Variants in TBC1D32 observed in about 807,000 individuals in gnomAD.
The protein encoded by TBC1D32 is protein broad-minded.
Under a neutral mutation model 170.3 loss-of-function variants are expected in TBC1D32, and 151 were observed. That is an observed-to-expected ratio of 0.89 (90% CI 0.78 to 1.01). The LOEUF (loss-of-function observed/expected upper bound fraction) is 1.01, where lower values mean the gene tolerates loss of function less well. Among genes scored for constraint, TBC1D32 ranks in the 50% least tolerant of loss-of-function variants. TBC1D32 has a pLI of 0.00. For synonymous variants in TBC1D32, 498 were observed against 488.0 expected (o/e 1.02, Z -0.27); for missense variants, 1,464 against 1,457.1 (o/e 1.00, Z -0.08).
chr6:121,238,890 T>C (rs1415184939), intron 20 of TBC1D32, among the ~76,000 whole-genome samples, 180 bp downstream of exon 20: 1 of 152,098 alleles, frequency 6.6e-6, no homozygotes, highest in Non-Finnish European at 1.5e-5. Context: ...AACACTGGGA[T>C]TTCTATCATT....
intron 17 of TBC1D32, among the ~76,000 whole-genome samples, chr6:121,243,584 CACACACACAA>C (rs1181066657): frequency 6.6e-6 from 1 of 151,932 alleles, no homozygotes; most frequent in Non-Finnish European, 1.5e-5. Flanking sequence ...ACAAAACACA[CACACACACAA>C]ACACACACAA....
intron 15 of TBC1D32, among the ~76,000 whole-genome samples, 174 bp from the exon 16 acceptor site, chr6:121,256,459 C>T (rs546403396): frequency 6.6e-6 from 1 of 152,054 alleles, no homozygotes. Context: ...GAACAGTTTC[C>T]GTGGGATGGA....
chr6:121,248,298 C>T (rs921956066), intron 17 of TBC1D32, among the ~76,000 whole-genome samples: 6 of 151,716 alleles, frequency 4.0e-5, no homozygotes, highest in Non-Finnish European at 8.9e-5. Context: ...TGTCAAAACG[C>T]CTGGGATACA....
intron 21 of TBC1D32, among the ~76,000 whole-genome samples, chr6:121,217,956 G>A (rs146263194): frequency 1.8e-4 from 28 of 152,312 alleles, no homozygotes; most frequent in African/African-American, 6.7e-4. Context: ...ACCATACACT[G>A]AGAAAAACAG....
Position 121,080,641 on chromosome 6 carries a change from T to G in TBC1D32, c.*130A>C. 8.3e-7 allele frequency: 1 copy of G among 1,206,784 alleles called. No homozygotes were observed. The highest frequency in any genetic ancestry group is 1.1e-6 in the Non-Finnish European group (1 of 884,972). The allele number at this position is 1,206,784 out of a possible 1,614,324, so 74.8% of individuals were successfully genotyped here. A position where few individuals can be genotyped will look rare whatever the true frequency, so the allele number is the denominator to read the frequency against. ...AGCTCATACCTACTTAAATATATCG[T>G]TATACTTCTCAGTATTTACAATATG... On this transcript the variant is annotated 3_prime_UTR_variant, in exon 32 of 32. Transcript: ENST00000398212.
At chr6:121,208,686 G>A (rs1043034768) in intron 21 of TBC1D32, among the ~76,000 whole-genome samples, 4 of 125,470 alleles carry the variant, frequency 3.2e-5, no homozygotes, top group Admixed American at 2.1e-4. Context: ...TAAAGATAGA[G>A]GCACAAACTG....
intron 21 of TBC1D32, among the ~76,000 whole-genome samples, chr6:121,216,068 T>G (rs1175744696): frequency 6.6e-6 from 1 of 152,238 alleles, no homozygotes; most frequent in Non-Finnish European, 1.5e-5. Context: ...ATCCTGGGTG[T>G]GTCTGTGAGG....
chr6:121,186,138 T>A (rs1789179284), intron 22 of TBC1D32, among the ~76,000 whole-genome samples: 1 of 152,152 alleles, frequency 6.6e-6, no homozygotes, highest in African/African-American at 2.4e-5. Context: ...GTACTTCTAC[T>A]AGAACTGAAA....
chr6:121,292,750 T>C (rs9490155), intron 11 of TBC1D32, among the ~76,000 whole-genome samples: 11,290 of 152,236 alleles, frequency 0.074, 445 homozygotes, highest in South Asian at 0.15. Flanking sequence ...TTAGGGCGCA[T>C]ATGTATTTGC....
At chr6:121,177,726 T>C (rs1487269177) in intron 22 of TBC1D32, among the ~76,000 whole-genome samples, 1 of 152,174 alleles carries the variant, frequency 6.6e-6, no homozygotes, top group East Asian at 1.9e-4. Flanking sequence ...AGGCTTTGTG[T>C]AATAAGGTTT....
chr6:121,225,176 T>G (rs1192532123), intron 20 of TBC1D32, among the ~76,000 whole-genome samples: 1 of 152,038 alleles, frequency 6.6e-6, no homozygotes, highest in African/African-American at 2.4e-5. Context: ...AGGAAACTAC[T>G]GTATAAACTT....
intron 30 of TBC1D32, chr6:121,096,119 T>C (rs971189322): frequency 6.6e-6 from 1 of 152,194 alleles, no homozygotes; most frequent in South Asian, 2.1e-4. Flanking sequence ...AACTTATTAT[T>C]GATCTATTCA....
intron 22 of TBC1D32, among the ~76,000 whole-genome samples, chr6:121,179,309 T>C (rs1282662871): frequency 1.3e-5 from 2 of 150,818 alleles, no homozygotes; most frequent in Non-Finnish European, 3.0e-5. Context: ...TGTGTGTGTG[T>C]GTGTGCATGT....
At chr6:121,267,143 T>TG (rs1554294730) in intron 15 of TBC1D32, among the ~76,000 whole-genome samples, 18 of 111,128 alleles carry the variant, frequency 1.6e-4, no homozygotes, top group Non-Finnish European at 2.7e-4. Flanking sequence ...AAAAAAAAGG[T>TG]CGGGGGGAGG....
intron 17 of TBC1D32, among the ~76,000 whole-genome samples, chr6:121,244,439 C>T (rs1008930017): frequency 9.9e-5 from 15 of 152,002 alleles, no homozygotes; most frequent in African/African-American, 1.7e-4. Context: ...TGGAGAAATA[C>T]CACTAAGTGG....
At chr6:121,310,956 G>A (rs1366426491) in intron 3 of TBC1D32, 109 bp from the exon 4 acceptor site, 1 of 686,538 alleles carries the variant, frequency 1.5e-6, no homozygotes, top group Middle Eastern at 3.7e-4. Flanking sequence ...CCAGACAAGA[G>A]AAGGAGATGA....
intron 24 of TBC1D32, among the ~76,000 whole-genome samples, chr6:121,152,738 A>G (rs1784372039): frequency 1.3e-5 from 2 of 151,638 alleles, no homozygotes; most frequent in African/African-American, 4.8e-5. Flanking sequence ...TTCATGCTTT[A>G]TTTCATGAAG....
rs111961033 is a variant in TBC1D32, at chr6:121,255,803, G to A, written c.1935+281C>T. Among the ~76,000 whole-genome samples, 476 of 152,164 alleles carry A rather than the reference G, an allele frequency of 3.1e-3. 5 individuals carry two copies. The highest frequency in any genetic ancestry group is 0.011 in the African/African-American group (461 of 41,530). On this transcript the variant is annotated intron_variant, in intron 16 of 31. Coordinates refer to ENST00000398212, the MANE Select transcript of TBC1D32 (RefSeq NM_152730.6). Reference sequence around the variant, plus strand: ...ATTACTTTAAAATAACTCCCAAAGAGTGTTAGTCTATGTAAGGAAAATTAA... The same window carrying A: ...ATTACTTTAAAATAACTCCCAAAGAATGTTAGTCTATGTAAGGAAAATTAA...
intron 24 of TBC1D32, among the ~76,000 whole-genome samples, chr6:121,156,529 G>T (rs1466667307): frequency 2.0e-5 from 3 of 150,832 alleles, no homozygotes; most frequent in East Asian, 2.0e-4. Flanking sequence ...AGTTTTCTTT[G>T]ATTTTAATTA....
Sources: gnomAD v4.1 joint callset for allele counts (sites outside exome capture counted in the v4.1 genomes callset) on GRCh38, gnomAD v4.1.1 for gene constraint, MANE v1.5 for transcripts, NCBI Gene and HGNC (gene_info 2026-07-23, HGNC 2026-07-21) for gene names.